DISC1: variants seen among roughly 807,000 people sequenced by gnomAD.
DISC1 encodes disrupted in schizophrenia 1 protein.
A neutral mutation model predicts 84.5 loss-of-function variants in DISC1; 57 were observed. The ratio of observed to expected loss-of-function variants is 0.67; its 90% CI spans 0.55 to 0.84. DISC1 has a LOEUF of 0.84. Among genes scored for constraint, DISC1 ranks in the 40% least tolerant of loss-of-function variants. The pLI is 0.00. For missense variants in DISC1, 1,000 were observed against 1,057.8 expected (o/e 0.95, Z 0.76); for synonymous variants, 411 against 415.2 (o/e 0.99, Z 0.12).
intron 3 of DISC1, among the ~76,000 whole-genome samples, chr1:231,711,603 C>T (rs1373225570): frequency 4.0e-5 from 6 of 151,676 alleles, no homozygotes; most frequent in Non-Finnish European, 8.8e-5. Context: ...CTCCTGACCT[C>T]GTGATCCACC....
chr1:231,955,576 G>A (rs765928243), intron 9 of DISC1, among the ~76,000 whole-genome samples: 12 of 147,918 alleles, frequency 8.1e-5, no homozygotes, highest in East Asian at 2.0e-4. Flanking sequence ...TGCAACCTCC[G>A]CCTCCCACGT....
intron 11 of DISC1, among the ~76,000 whole-genome samples, chr1:232,015,438 T>C (rs2103015466): frequency 6.6e-6 from 1 of 152,288 alleles, no homozygotes; most frequent in Non-Finnish European, 1.5e-5. Flanking sequence ...TGGCAAGGAC[T>C]CATTTTCTGC....
At position 231,948,758 on chromosome 1, in the gene DISC1, G is replaced by A. The variant is rs530636669; in HGVS notation, c.1982-10070G>A. ...CATTCTGGAGGAATCTGGAAGTGAG[G>A]GTTCTCTATCATGATGCCCAGGGCA... On this transcript the variant is annotated intron_variant, in intron 9 of 12. Coordinates refer to ENST00000439617, the MANE Select transcript of DISC1 (RefSeq NM_018662.3). Among the ~76,000 whole-genome samples, 10 of 152,112 alleles carry A rather than the reference G, an allele frequency of 6.6e-5. No homozygotes were observed. The South Asian group carries it at 2.1e-3, about 32-fold the overall frequency.
chr1:231,651,177 C>G (rs1324916396), intron 1 of DISC1, among the ~76,000 whole-genome samples: 2 of 152,184 alleles, frequency 1.3e-5, no homozygotes, highest in African/African-American at 4.8e-5. Context: ...CTTTTCTGCT[C>G]TGGTTTCTCC....
chr1:231,652,870 A>G (rs1486397285), intron 1 of DISC1, among the ~76,000 whole-genome samples: 4 of 152,036 alleles, frequency 2.6e-5, no homozygotes, highest in African/African-American at 9.7e-5. Flanking sequence ...ACCTCCACCT[A>G]CCTGGTTCAA....
rs554551156 is a variant in DISC1 at position 231,866,615 on chromosome 1, CAG to C, written c.1981+48103_1981+48104del. 126 of 1,558,720 alleles carry C rather than the reference CAG, an allele frequency of 8.1e-5. No individual in the cohort carries two copies. In the South Asian group the frequency reaches 1.3e-3, roughly 17 times the overall value. ...AGGACACAGCACTGTGATTTGAACC[CAG>C]AGAGTCTGACTTCAGCCCCCAGCGC... On this transcript the variant is annotated intron_variant, in intron 9 of 12. Coordinates refer to ENST00000439617, the MANE Select transcript of DISC1 (RefSeq NM_018662.3).
chr1:231,932,598 G>T (rs1469746084), intron 9 of DISC1, among the ~76,000 whole-genome samples: 2 of 152,082 alleles, frequency 1.3e-5, no homozygotes, highest in Non-Finnish European at 2.9e-5. Flanking sequence ...CTTTCACTCT[G>T]CTTCAAGGGT....
chr1:231,817,173 C>A (rs778434227), intron 8 of DISC1, among the ~76,000 whole-genome samples: 12 of 152,174 alleles, frequency 7.9e-5, no homozygotes, highest in Non-Finnish European at 1.3e-4. Flanking sequence ...CAACCTACAC[C>A]TCCTGGGTTT....
chr1:232,023,201 T>G (rs1225147768), intron 11 of DISC1, among the ~76,000 whole-genome samples: 1 of 152,182 alleles, frequency 6.6e-6, no homozygotes, highest in Admixed American at 6.5e-5. Context: ...TTATAAATAT[T>G]TTGATGCTTT....
intron 3 of DISC1, among the ~76,000 whole-genome samples, chr1:231,713,437 CAAAATGAGAAATAAAGT>C (rs1034329895): frequency 3.3e-5 from 5 of 151,504 alleles, no homozygotes; most frequent in Admixed American, 6.6e-5. Flanking sequence ...AGTGTATGAA[CAAAATGAGAAATAAAGT>C]GATAGAAATT....
intron 1 of DISC1, among the ~76,000 whole-genome samples, 180 bp from the exon 2 acceptor site, chr1:231,693,646 C>T (rs1219517779): frequency 1.3e-5 from 2 of 152,182 alleles, no homozygotes; most frequent in African/African-American, 4.8e-5. Flanking sequence ...CAGGCAAATA[C>T]TTCCTGAGGA....
intron 1 of DISC1, among the ~76,000 whole-genome samples, chr1:231,667,489 G>A (rs1572670715): frequency 1.3e-5 from 2 of 152,150 alleles, no homozygotes; most frequent in Admixed American, 1.3e-4. Context: ...CCCTGGATGT[G>A]CTTCATCTTT....
At chr1:231,918,590 A>G (rs1009861522) in intron 9 of DISC1, among the ~76,000 whole-genome samples, 1 of 152,260 alleles carries the variant, frequency 6.6e-6, no homozygotes, top group African/African-American at 2.4e-5. Flanking sequence ...TTATTTTGGA[A>G]TACAACACTT....
At chr1:231,807,201 G>A (rs1178116008) in intron 8 of DISC1, among the ~76,000 whole-genome samples, 1 of 152,188 alleles carries the variant, frequency 6.6e-6, no homozygotes, top group Non-Finnish European at 1.5e-5. Flanking sequence ...ATCGGTGCTC[G>A]TTGACCTGAC....
chr1:231,866,640 C>T (rs1373516506), intron 9 of DISC1: 14 of 1,573,784 alleles, frequency 8.9e-6, no homozygotes, highest in East Asian at 2.2e-5. Context: ...CAGCCCCCAG[C>T]GCTCAACTAC....
intron 9 of DISC1, among the ~76,000 whole-genome samples, chr1:231,881,099 TAA>T (rs1419642255): frequency 6.6e-6 from 1 of 151,540 alleles, no homozygotes; most frequent in African/African-American, 2.4e-5. Context: ...GAATTTTATT[TAA>T]AAAAAGTTTA....
At chr1:231,807,038 C>T (rs751190072) in intron 8 of DISC1, among the ~76,000 whole-genome samples, 28 of 152,190 alleles carry the variant, frequency 1.8e-4, no homozygotes, top group African/African-American at 6.0e-4. Context: ...CCGCGTCCAC[C>T]GTCTGCATGC....
intron 3 of DISC1, among the ~76,000 whole-genome samples, chr1:231,738,863 G>A (rs2072877564): frequency 6.6e-6 from 1 of 152,164 alleles, no homozygotes; most frequent in South Asian, 2.1e-4. Flanking sequence ...TTGGACCAGA[G>A]GAACTTCTTC....
At chr1:231,672,776 G>T (rs898061320) in intron 1 of DISC1, among the ~76,000 whole-genome samples, 1 of 152,080 alleles carries the variant, frequency 6.6e-6, no homozygotes, top group Admixed American at 6.5e-5. Context: ...TACCCACCTT[G>T]TCTGCCTTGG....
Sources: allele counts gnomAD v4.1 joint callset (sites outside exome capture counted in the v4.1 genomes callset), GRCh38; gene constraint gnomAD v4.1.1; transcripts MANE v1.5; gene names NCBI Gene and HGNC (gene_info 2026-07-23, HGNC 2026-07-21).